The following LSAMP variants were observed in gnomAD, a reference collection of about 807,000 sequenced individuals.
LSAMP encodes limbic system associated membrane protein.
Under a neutral mutation model 38.6 loss-of-function variants are expected in LSAMP, and 7 were observed. The observed-to-expected ratio is 0.18, with a 90% CI of 0.10 to 0.34. LSAMP has a LOEUF of 0.34. LSAMP is among the 10% of genes least tolerant of loss of function. LSAMP has a pLI of 1.00. For missense variants in LSAMP, 313 were observed against 420.0 expected (o/e 0.75, Z 2.23); for synonymous variants, 154 against 166.8 (o/e 0.92, Z 0.59).
At chr3:115,860,660 T>G (rs74865818) in intron 3 of LSAMP, among the ~76,000 whole-genome samples, 8,877 of 152,274 alleles carry the variant, frequency 0.058, 307 homozygotes, top group Non-Finnish European at 0.069. Context: ...ACCATTTATT[T>G]TTAGGAGTCC....
At chr3:116,371,715 G>A (rs548515934) in intron 1 of LSAMP, among the ~76,000 whole-genome samples, 62 of 152,096 alleles carry the variant, frequency 4.1e-4, no homozygotes, top group Admixed American at 5.2e-4. Context: ...ATTAAGAGGA[G>A]TATCCAAATT....
intron 1 of LSAMP, among the ~76,000 whole-genome samples, chr3:116,184,105 G>T (rs1710553349): frequency 1.3e-5 from 2 of 151,946 alleles, no homozygotes; most frequent in South Asian, 4.1e-4. Flanking sequence ...CTCATTAAAA[G>T]ACCAGGTCAC....
At chr3:116,101,624 GT>G (rs369112268) in intron 1 of LSAMP, among the ~76,000 whole-genome samples, 4 of 152,122 alleles carry the variant, frequency 2.6e-5, no homozygotes, top group African/African-American at 9.6e-5. Flanking sequence ...TCCTATCTTG[GT>G]ACAGAATGCA....
chr3:116,372,729 G>C (rs998707234), intron 1 of LSAMP, among the ~76,000 whole-genome samples: 7 of 151,360 alleles, frequency 4.6e-5, no homozygotes, highest in African/African-American at 1.7e-4. Context: ...CAAAAGACTT[G>C]AATAGACATT....
chr3:116,157,524 T>C (rs1326717365), intron 1 of LSAMP, among the ~76,000 whole-genome samples: 1 of 151,728 alleles, frequency 6.6e-6, no homozygotes, highest in Non-Finnish European at 1.5e-5. Context: ...GACTCCAAAA[T>C]ACATGGCAAA....
At chr3:115,949,494 T>A (rs1938212984) in intron 3 of LSAMP, among the ~76,000 whole-genome samples, 1 of 149,362 alleles carries the variant, frequency 6.7e-6, no homozygotes, top group South Asian at 2.1e-4. Context: ...ATAGATAAAT[T>A]CCTGGAAATA....
intron 3 of LSAMP, among the ~76,000 whole-genome samples, chr3:115,987,948 A>G (rs567080264): frequency 1.2e-4 from 18 of 152,298 alleles, no homozygotes; most frequent in African/African-American, 4.3e-4. Context: ...TTTTAGGTAC[A>G]TAAGGACAAT....
intron 1 of LSAMP, among the ~76,000 whole-genome samples, chr3:116,327,111 C>T (rs187156515): frequency 2.0e-5 from 3 of 152,238 alleles, no homozygotes; most frequent in Non-Finnish European, 4.4e-5. Context: ...ACCTAAGGAT[C>T]TTGTTAAAAT....
chr3:116,343,520 C>A (rs2048024110), intron 1 of LSAMP, among the ~76,000 whole-genome samples: 2 of 152,100 alleles, frequency 1.3e-5, no homozygotes, highest in Non-Finnish European at 2.9e-5. Flanking sequence ...ACAAGATAGT[C>A]ACCTGAGGCA....
At chr3:116,030,851 G>A (rs1219624151) in intron 2 of LSAMP, among the ~76,000 whole-genome samples, 1 of 152,062 alleles carries the variant, frequency 6.6e-6, no homozygotes, top group African/African-American at 2.4e-5. Flanking sequence ...ATGAAAATTC[G>A]GGTTGCATTC....
chr3:116,289,927 G>A (rs950623577), intron 1 of LSAMP, among the ~76,000 whole-genome samples: 1 of 152,176 alleles, frequency 6.6e-6, no homozygotes, highest in Admixed American at 6.5e-5. Flanking sequence ...GTACAAAGCA[G>A]CTGTATGAAC....
chr3:116,208,833 G>T (rs1455565146), intron 1 of LSAMP, among the ~76,000 whole-genome samples: 1 of 152,220 alleles, frequency 6.6e-6, no homozygotes, highest in East Asian at 1.9e-4. Context: ...TAAGTTTGCA[G>T]AGTTTACTGC....
intron 3 of LSAMP, among the ~76,000 whole-genome samples, chr3:115,921,299 T>C (rs998551638): frequency 6.6e-6 from 1 of 152,114 alleles, no homozygotes; most frequent in Non-Finnish European, 1.5e-5. Flanking sequence ...TTATGTTTCA[T>C]TGATCTTGTA....
intron 3 of LSAMP, among the ~76,000 whole-genome samples, chr3:115,958,845 C>A (rs1938536837): frequency 6.6e-6 from 1 of 152,180 alleles, no homozygotes; most frequent in Non-Finnish European, 1.5e-5. Context: ...AATGATACAA[C>A]TTTCCCCCTT....
intron 1 of LSAMP, among the ~76,000 whole-genome samples, chr3:116,215,910 T>C (rs1434886066): frequency 2.0e-5 from 3 of 152,216 alleles, no homozygotes; most frequent in Admixed American, 6.5e-5. Context: ...TCCAAGGTCA[T>C]GTGGTCTATT....
At chr3:115,950,046 G>A (rs2107575550) in intron 3 of LSAMP, among the ~76,000 whole-genome samples, 1 of 152,134 alleles carries the variant, frequency 6.6e-6, no homozygotes, top group South Asian at 2.1e-4. Context: ...ATTTATGATG[G>A]AAACCCTCAG....
intron 1 of LSAMP, among the ~76,000 whole-genome samples, chr3:116,340,258 T>A (rs1347381960): frequency 6.6e-6 from 1 of 152,074 alleles, no homozygotes; most frequent in African/African-American, 2.4e-5. Context: ...TGTGGATGAA[T>A]GTGCCTGACA....
intron 3 of LSAMP, among the ~76,000 whole-genome samples, chr3:115,881,686 T>TAA (rs2107432784): frequency 6.6e-6 from 1 of 152,274 alleles, no homozygotes; most frequent in African/African-American, 2.4e-5. Context: ...ATATGTGCAG[T>TAA]GTGTTGAATA....
At chr3:116,430,215 T>C (rs1161485939) in intron 1 of LSAMP, among the ~76,000 whole-genome samples, 1 of 152,198 alleles carries the variant, frequency 6.6e-6, no homozygotes, top group Non-Finnish European at 1.5e-5. Flanking sequence ...TCTTTTGATA[T>C]GTTTGCAAAT....
Sources: allele counts gnomAD v4.1 joint callset (sites outside exome capture counted in the v4.1 genomes callset), GRCh38; gene constraint gnomAD v4.1.1; transcripts MANE v1.5; gene names NCBI Gene and HGNC (gene_info 2026-07-23, HGNC 2026-07-21).